Variants in MYO18A observed in about 807,000 individuals in gnomAD.
MYO18A encodes the protein unconventional myosin-XVIIIa.
In MYO18A, 78 loss-of-function variants were observed where a neutral mutation model predicts 235.8. The ratio of observed to expected loss-of-function variants is 0.33; its 90% confidence interval spans 0.28 to 0.40. MYO18A has a LOEUF of 0.40. MYO18A is among the 10% of genes least tolerant of loss of function. MYO18A has a pLI of 1.00. For synonymous variants in MYO18A, 977 were observed against 1,077.8 expected (o/e 0.91, Z 1.83); for missense variants, 2,215 against 2,699.3 (o/e 0.82, Z 3.98).
intron 1 of MYO18A, among the ~76,000 whole-genome samples, chr17:29,169,732 C>A (rs2068360478): frequency 6.6e-6 from 1 of 152,128 alleles, no homozygotes; most frequent in Admixed American, 6.5e-5. Flanking sequence ...ATGGGACAAA[C>A]AAGAGTATCA....
intron 1 of MYO18A, among the ~76,000 whole-genome samples, chr17:29,173,875 G>A (rs2068463772): frequency 6.6e-6 from 1 of 152,088 alleles, no homozygotes; most frequent in Non-Finnish European, 1.5e-5. Context: ...GGGCTCAAGT[G>A]ATCCTCCTGT....
intron 22 of MYO18A, 98 bp downstream of exon 22, chr17:29,099,536 G>A: frequency 1.6e-5 from 24 of 1,460,020 alleles, no homozygotes; most frequent in Non-Finnish European, 2.1e-5. Context: ...GGTGCCCTGG[G>A]AGGTTCCTGC....
chr17:29,140,455 T>C lies in MYO18A; in HGVS notation c.1000-18202A>G, dbSNP rs1420482722. The C allele has an allele frequency of 8.2e-7, 1 of 1,221,534 alleles. No individual in the cohort carries two copies. The highest frequency in any genetic ancestry group is 1.0e-6 in the Non-Finnish European group (1 of 954,952). The allele number at this position is 1,221,534 out of a possible 1,614,324, so 75.7% of individuals were successfully genotyped here. ...GTGGCCCCGCCCAGTTCCCGCCCTCTCCCCGGCCCCTCCCGTCCCGAGCTG... is the reference window on the plus strand; with the variant it reads ...GTGGCCCCGCCCAGTTCCCGCCCTCCCCCCGGCCCCTCCCGTCCCGAGCTG... On this transcript the variant is annotated intron_variant, in intron 2 of 41. Coordinates refer to ENST00000527372, the MANE Select transcript of MYO18A (RefSeq NM_078471.4). The surrounding 1 kb of genome is among the most constrained non-coding windows in gnomAD (Gnocchi z 4.2).
intron 33 of MYO18A, 70 bp from the exon 34 acceptor site, chr17:29,092,526 G>T: frequency 2.3e-6 from 3 of 1,283,514 alleles, no homozygotes; most frequent in Non-Finnish European, 3.3e-6. Context: ...GGCTGTACAG[G>T]AAAGAGGGAG....
chr17:29,140,492 T>C lies in MYO18A; in HGVS notation c.1000-18239A>G, dbSNP rs1428308647. On this transcript the variant is annotated intron_variant, in intron 2 of 41. Coordinates refer to ENST00000527372, the MANE Select transcript of MYO18A (RefSeq NM_078471.4). This position sits in a 1 kb window ranked among gnomAD's most constrained non-coding sequence, Gnocchi z 4.2. ...CCCGTCCCGAGCTGCCCAGCCCTAG[T>C]TGGAGCCAGCAGCCCGGAGGACTTC... 25 of 1,121,230 alleles carry C rather than the reference T, an allele frequency of 2.2e-5. No individual in the cohort carries two copies. Among genetic ancestry groups the C allele is most frequent in the East Asian group, 1.4e-4 (2 of 14,280 alleles). The allele number at this position is 1,121,230 out of a possible 1,614,324, so 69.5% of individuals were successfully genotyped here.
intron 2 of MYO18A, chr17:29,129,042 A>T: frequency 7.8e-7 from 1 of 1,289,314 alleles, no homozygotes. Flanking sequence ...GCCTAACTCC[A>T]GGGCGTCCTG....
At chr17:29,088,945 G>C (rs1161553571) in intron 37 of MYO18A, among the ~76,000 whole-genome samples, 1 of 151,856 alleles carries the variant, frequency 6.6e-6, no homozygotes. Flanking sequence ...GGCTGAGGCA[G>C]GAGGATGGGA....
Position 29,115,448 on chromosome 17 carries a change from G to T in MYO18A, c.2228-7C>A. On this transcript the variant is annotated splice_polypyrimidine_tract_variant and splice_region_variant and intron_variant, in intron 12 of 41. Coordinates refer to ENST00000527372, the MANE Select transcript of MYO18A (RefSeq NM_078471.4). ...AGTGCACTCAGTTTCGGGCCTGTGG[G>T]GCAGGGGGAGCAGCGCTATCTCCTT... 1.2e-6 allele frequency: 2 copies of T among 1,612,834 alleles called. No individual in the cohort carries two copies. Among genetic ancestry groups the T allele is most frequent in the Non-Finnish European group, 1.7e-6 (2 of 1,179,534 alleles).
Position 29,087,110 on chromosome 17 carries a change from G to C in MYO18A, c.5538C>G (p.Ser1846Arg). 6.2e-7 allele frequency: 1 copy of C among 1,613,270 alleles called. No individual in the cohort carries two copies. Among genetic ancestry groups the C allele is most frequent in the South Asian group, 1.1e-5 (1 of 90,990 alleles). Residue 1846 changes from serine to arginine, a missense_variant, in exon 38 of 42, where the codon AGC becomes AGG. Ser to Arg is a moderately radical substitution (Grantham distance 110). Transcript: ENST00000527372. ...GCTTCTCCATGTTTTCCTTGAGACG[G>C]CTAGCCAGGCTCTGGATAGGTAGGT... Reference protein sequence around the residue: ...TQVKRLESLASRLKENMEKLT... With the variant: ...TQVKRLESLARRLKENMEKLT...
At chr17:29,078,801 C>G (rs1297554522) in intron 41 of MYO18A, 2 of 152,280 alleles carry the variant, frequency 1.3e-5, no homozygotes, top group African/African-American at 4.8e-5. Flanking sequence ...TCTCCCTCCC[C>G]ACAGGGAGAA....
chr17:29,116,017 G>C (rs774873593), intron 11 of MYO18A, among the ~76,000 whole-genome samples, 177 bp from the exon 12 acceptor site: 1 of 152,228 alleles, frequency 6.6e-6, no homozygotes, highest in Non-Finnish European at 1.5e-5. Context: ...CCTGTGTCCC[G>C]TGGGGATGGA....
chr17:29,134,498 G>A (rs533348400), intron 2 of MYO18A, among the ~76,000 whole-genome samples: 2 of 152,130 alleles, frequency 1.3e-5, no homozygotes, highest in Non-Finnish European at 2.9e-5. Flanking sequence ...AGGAGTCTAC[G>A]TGGGGAGAGG....
intron 2 of MYO18A, among the ~76,000 whole-genome samples, chr17:29,124,375 C>G (rs1406794790): frequency 2.0e-5 from 3 of 152,228 alleles, no homozygotes; most frequent in African/African-American, 4.8e-5. Context: ...CCTTGGGCTC[C>G]AGTGGCTGAG....
At chr17:29,153,786 CAAT>C (rs1411969242) in intron 2 of MYO18A, among the ~76,000 whole-genome samples, 3 of 152,166 alleles carry the variant, frequency 2.0e-5, no homozygotes, top group Non-Finnish European at 2.9e-5. Flanking sequence ...TCTACAGCAA[CAAT>C]GAGAGCAGCA....
rs1259409551 is a variant in MYO18A, at chr17:29,158,664, C to T, written c.999+7278G>A. The stretch of plus-strand genomic sequence containing the variant: ...CAGCTGGGTCACCAGTCCCCACCGT[C>T]CCCCCAAGACTGCAGTGAGTAGAAT... On this transcript the variant is annotated intron_variant, in intron 2 of 41. Transcript: ENST00000527372. The surrounding 1 kb of genome is among the most constrained non-coding windows in gnomAD (Gnocchi z 4.3). Among the ~76,000 whole-genome samples, 2 of 152,194 alleles carry T rather than the reference C, an allele frequency of 1.3e-5. No individual in the cohort carries two copies. Among genetic ancestry groups the T allele is most frequent in the African/African-American group, 2.4e-5 (1 of 41,464 alleles).
intron 1 of MYO18A, among the ~76,000 whole-genome samples, chr17:29,175,466 G>A (rs1047905320): frequency 2.0e-5 from 3 of 149,578 alleles, no homozygotes; most frequent in African/African-American, 7.4e-5. Flanking sequence ...GGACTCAAGC[G>A]ATCCTTCCCA....
chr17:29,095,640 G>C (rs1471300952), intron 28 of MYO18A, among the ~76,000 whole-genome samples: 1 of 152,206 alleles, frequency 6.6e-6, no homozygotes, highest in East Asian at 1.9e-4. Context: ...GGGCACACAG[G>C]GGGCCTCGTT....
At chr17:29,075,116 G>C in intron 41 of MYO18A, 1 of 573,418 alleles carries the variant, frequency 1.7e-6, no homozygotes, top group Non-Finnish European at 3.1e-6. Flanking sequence ...TTAAAGCTCC[G>C]AGGAAAGGGA....
Position 29,074,947 on chromosome 17 carries a change from A to G in MYO18A, c.6021-33T>C. ...GACCGAGGAATAAGGTTAGGGACAA[A>G]TGACACTCCTACCATTAAGCACGCA... On this transcript the variant is annotated intron_variant, in intron 41 of 41. Transcript: ENST00000527372. This position sits in a 1 kb window ranked among gnomAD's most constrained non-coding sequence, Gnocchi z 4.4. 3.1e-6 allele frequency: 5 copies of G among 1,611,908 alleles called. No individual in the cohort carries two copies. Among genetic ancestry groups the G allele is most frequent in the Non-Finnish European group, 4.2e-6 (5 of 1,178,322 alleles).
Sources: gnomAD v4.1 joint callset for allele counts (sites outside exome capture counted in the v4.1 genomes callset) on GRCh38, gnomAD v4.1.1 for gene constraint, Gnocchi (gnomAD v3.1) non-coding constraint, MANE v1.5 for transcripts, NCBI Gene and HGNC (gene_info 2026-07-23, HGNC 2026-07-21) for gene names.